SPATA6: variants seen among roughly 807,000 people sequenced by gnomAD.
SPATA6 encodes spermatogenesis-associated protein 6.
SPATA6 carries 56 observed loss-of-function variants against 65.3 expected under a neutral mutation model. That is an observed-to-expected ratio of 0.86 (90% confidence interval 0.69 to 1.07). The LOEUF is 1.07. SPATA6 is among the 50% of genes least tolerant of loss of function. The pLI is 0.00. For synonymous variants in SPATA6, 199 were observed against 213.2 expected (o/e 0.93, Z 0.58); for missense variants, 590 against 594.8 (o/e 0.99, Z 0.08).
At chr1:48,418,865 G>A (rs1364885339) in intron 3 of SPATA6, among the ~76,000 whole-genome samples, 2 of 150,094 alleles carry the variant, frequency 1.3e-5, no homozygotes, top group African/African-American at 4.9e-5. Flanking sequence ...GGAGGGGAAG[G>A]AGAGGGAGGA....
chr1:48,434,337 T>C (rs1654689986), intron 3 of SPATA6, among the ~76,000 whole-genome samples: 1 of 142,784 alleles, frequency 7.0e-6, no homozygotes, highest in Non-Finnish European at 1.5e-5. Flanking sequence ...AATTTAAAAA[T>C]AAATAATATG....
chr1:48,379,942 AAAT>A (rs1648364192), intron 9 of SPATA6, among the ~76,000 whole-genome samples: 1 of 152,082 alleles, frequency 6.6e-6, no homozygotes, highest in African/African-American at 2.4e-5. Flanking sequence ...TCACCACAAC[AAAT>A]AAGTATGTGA....
At chr1:48,364,086 A>T (rs1009900459) in intron 9 of SPATA6, among the ~76,000 whole-genome samples, 7 of 152,136 alleles carry the variant, frequency 4.6e-5, no homozygotes, top group African/African-American at 1.7e-4. Context: ...TTTACTGAGA[A>T]TGATGATTTC....
chr1:48,388,987 GC>G (rs1276617185), intron 8 of SPATA6, among the ~76,000 whole-genome samples: 1 of 152,100 alleles, frequency 6.6e-6, no homozygotes, highest in Non-Finnish European at 1.5e-5. Context: ...CTGGGTTCAA[GC>G]AGCTCTCCTT....
chr1:48,376,886 A>C (rs1041894326), intron 9 of SPATA6, among the ~76,000 whole-genome samples: 1 of 152,210 alleles, frequency 6.6e-6, no homozygotes. Context: ...AAGGATTTGT[A>C]TATCAGACCT....
the SPATA6 span, among the ~76,000 whole-genome samples, chr1:48,278,942 T>C: frequency 1.3e-5 from 2 of 152,154 alleles, no homozygotes; most frequent in East Asian, 3.8e-4. Flanking sequence ...AAAGGTCAGG[T>C]TACCCACAAA....
chr1:48,293,818 C>G (rs2148625052), downstream of SPATA6, among the ~76,000 whole-genome samples: 1 of 152,256 alleles, frequency 6.6e-6, no homozygotes, highest in Middle Eastern at 3.4e-3. Flanking sequence ...TCCCCAACCC[C>G]CATATACACA....
rs559741013 is a variant in SPATA6, at chr1:48,365,026, G to C, written c.910-5256C>G. Among the ~76,000 whole-genome samples, 552 of 152,312 alleles carry C rather than the reference G, an allele frequency of 3.6e-3. 1 individual carries two copies. Among genetic ancestry groups the C allele is most frequent in the South Asian group, 6.2e-3 (30 of 4,824 alleles). ...TCAGCTTTCTACATATGGCTAGCCA[G>C]TTTTCCCAGCACCCTTTATTAAATA... is the stretch of plus-strand genomic sequence containing the variant. On this transcript the variant is annotated intron_variant, in intron 9 of 12. Transcript: ENST00000371847.
At position 48,298,734 on chromosome 1, in the gene SPATA6, T is replaced by G. The variant is rs759341817; in HGVS notation, c.1446A>C (p.Ser482=). The G allele has an allele frequency of 6.2e-7, 1 of 1,613,216 alleles. No individual in the cohort carries two copies. Among genetic ancestry groups the G allele is most frequent in the South Asian group, 1.1e-5 (1 of 90,858 alleles). Residue 482 remains serine (S), a synonymous_variant, in exon 13 of 13, where the codon TCA becomes TCC. Coordinates refer to ENST00000371847, the MANE Select transcript of SPATA6 (RefSeq NM_019073.4). ...GGTCTCAGAAGCTTTCCTGTGTATG[T>G]GAAGCAGAACTACAGGCCTTTTTGT... ...NLYKKACSSA[S]HTQESF is the part of the protein sequence containing the mutation.
chr1:48,411,563 G>T lies in SPATA6; in HGVS notation c.306C>A (p.Asp102Glu). 1.2e-6 allele frequency: 2 copies of T among 1,608,432 alleles called. No homozygotes were observed. Among genetic ancestry groups the T allele is most frequent in the Non-Finnish European group, 8.5e-7 (1 of 1,177,452 alleles). The change falls in exon 5 of 13, where the codon GAC (aspartate) becomes GAA (glutamate). Residue 102 changes from aspartate (D) to glutamate (E), a missense_variant. Coordinates refer to ENST00000371847, the MANE Select transcript of SPATA6 (RefSeq NM_019073.4). ...GAAACATGAAATCTCGTGTATTTTC[G>T]TCATACGTAGACAGTGTTTCACCCA... ...PPVGETLSTY[D>E]ENTRDFMFPG...
chr1:48,361,075 G>A (rs1316632105), intron 9 of SPATA6, among the ~76,000 whole-genome samples: 3 of 152,136 alleles, frequency 2.0e-5, no homozygotes, highest in Non-Finnish European at 2.9e-5. Flanking sequence ...GAGTTTGGGG[G>A]AAAGTCCAGG....
the SPATA6 span, among the ~76,000 whole-genome samples, chr1:48,276,704 T>C: frequency 6.6e-6 from 1 of 152,374 alleles, no homozygotes; most frequent in Non-Finnish European, 1.5e-5. Flanking sequence ...AGAATGTTTC[T>C]TATTTTTCCA....
intron 7 of SPATA6, among the ~76,000 whole-genome samples, chr1:48,395,607 G>A (rs1393935315): frequency 6.6e-6 from 1 of 151,644 alleles, no homozygotes; most frequent in Non-Finnish European, 1.5e-5. Flanking sequence ...GAACAGACTT[G>A]GAATTGAAAT....
the SPATA6 span, among the ~76,000 whole-genome samples, chr1:48,283,188 TG>T: frequency 0.4 from 33,655 of 84,318 alleles, 6,492 homozygotes; most frequent in Middle Eastern, 0.63. Context: ...TGTTGTGGGG[TG>T]GGGGGAGGGG....
At chr1:48,365,436 G>A (rs1305434316) in intron 9 of SPATA6, among the ~76,000 whole-genome samples, 1 of 152,120 alleles carries the variant, frequency 6.6e-6, no homozygotes, top group Non-Finnish European at 1.5e-5. Context: ...CATGAGCATG[G>A]AATGTTCTTC....
intron 3 of SPATA6, among the ~76,000 whole-genome samples, chr1:48,449,608 C>T (rs1656371572): frequency 6.6e-6 from 1 of 152,102 alleles, no homozygotes; most frequent in Non-Finnish European, 1.5e-5. Context: ...AAAGGTAGGA[C>T]ACTACTATAG....
chr1:48,435,794 C>T (rs777135385), intron 3 of SPATA6, among the ~76,000 whole-genome samples: 28 of 152,178 alleles, frequency 1.8e-4, no homozygotes, highest in East Asian at 5.8e-4. Context: ...CGCCCCTCCG[C>T]GAGCAGGGCT....
intron 11 of SPATA6, among the ~76,000 whole-genome samples, chr1:48,353,116 T>C (rs1050899038): frequency 1.3e-5 from 2 of 151,828 alleles, no homozygotes; most frequent in African/African-American, 4.8e-5. Flanking sequence ...GAATGAATAA[T>C]AATATGTGAT....
chr1:48,265,322 T>C, the SPATA6 span, among the ~76,000 whole-genome samples: 1 of 151,574 alleles, frequency 6.6e-6, no homozygotes. Context: ...ATCAGCTTCA[T>C]TATAAGCAAA....
Sources: gnomAD v4.1 joint callset for allele counts (sites outside exome capture counted in the v4.1 genomes callset) on GRCh38, gnomAD v4.1.1 for gene constraint, MANE v1.5 for transcripts, NCBI Gene and HGNC (gene_info 2026-07-23, HGNC 2026-07-21) for gene names.